OTUD7A: variants seen among roughly 807,000 people sequenced by gnomAD.
The protein encoded by OTUD7A is OTU domain-containing protein 7A.
Under a neutral mutation model 65.7 loss-of-function variants are expected in OTUD7A, and 12 were observed. The observed-to-expected ratio is 0.18, with a 90% CI of 0.12 to 0.30. OTUD7A has a LOEUF of 0.30. Ranked by LOEUF, OTUD7A falls within the 10% of genes least tolerant of loss-of-function variation. The pLI, the probability that OTUD7A is intolerant of heterozygous loss-of-function variation, is 1.00. For missense variants in OTUD7A, 1,148 were observed against 1,304.8 expected (o/e 0.88, Z 1.85); for synonymous variants, 641 against 586.3 (o/e 1.09, Z -1.35).
intron 1 of OTUD7A, among the ~76,000 whole-genome samples, chr15:31,658,074 G>A (rs903380815): frequency 6.6e-6 from 1 of 152,036 alleles, no homozygotes; most frequent in Non-Finnish European, 1.5e-5. Flanking sequence ...TCAGTCTCTG[G>A]GGCCAAAATG....
At chr15:31,488,731 G>C (rs2041275180) in intron 10 of OTUD7A, among the ~76,000 whole-genome samples, 1 of 152,214 alleles carries the variant, frequency 6.6e-6, no homozygotes, top group Admixed American at 6.5e-5. Context: ...AGTTGATTTG[G>C]TAAGAAATTG....
At position 31,695,158 on chromosome 15, in the gene OTUD7A, C is replaced by T. The variant is rs1893048388; in HGVS notation, c.-99-38081G>A. Among the ~76,000 whole-genome samples the T allele has an allele frequency of 4.0e-5, 6 of 151,834 alleles. No homozygotes were observed. The South Asian group carries it at 1.3e-3, about 32-fold the overall frequency. Reference sequence around the variant, plus strand: ...CCGCCCCGGCCATGTTTTACATTTTCTTTATCCATTCATCTTTGGATGAGC... The same window carrying T: ...CCGCCCCGGCCATGTTTTACATTTTTTTTATCCATTCATCTTTGGATGAGC... On this transcript the variant is annotated intron_variant, in intron 1 of 12. Coordinates refer to ENST00000307050, the MANE Select transcript of OTUD7A (RefSeq NM_001382637.1).
At chr15:31,673,786 C>T (rs61376927) in intron 1 of OTUD7A, among the ~76,000 whole-genome samples, 8,653 of 152,266 alleles carry the variant, frequency 0.057, 837 homozygotes, top group African/African-American at 0.2. Context: ...AGCCTCTTTT[C>T]CTGGCCTGCC....
At chr15:31,610,548 T>C (rs34896179) in intron 3 of OTUD7A, among the ~76,000 whole-genome samples, 6,384 of 145,576 alleles carry the variant, frequency 0.044, 272 homozygotes, top group African/African-American at 0.11. Flanking sequence ...ATAGACCATA[T>C]GATAGGCCAC....
At chr15:31,595,199 G>C (rs1001335131) in intron 3 of OTUD7A, among the ~76,000 whole-genome samples, 1 of 152,200 alleles carries the variant, frequency 6.6e-6, no homozygotes, top group Non-Finnish European at 1.5e-5. Flanking sequence ...CCTGTGCCTG[G>C]AGTGTGCAGC....
rs147488054 is a variant in OTUD7A at position 31,647,386 on chromosome 15, T to C, written c.151+7710A>G. On this transcript the variant is annotated intron_variant, in intron 3 of 12. Coordinates refer to ENST00000307050, the MANE Select transcript of OTUD7A (RefSeq NM_001382637.1). Reference sequence around the variant, plus strand: ...CAAATCCAGCTTGATAAGCATGTGATGAATTATAAAATAAGGCACAACCAA... The same window carrying C: ...CAAATCCAGCTTGATAAGCATGTGACGAATTATAAAATAAGGCACAACCAA... Among the ~76,000 whole-genome samples the C allele has an allele frequency of 2.9e-3, 446 of 152,346 alleles. 5 individuals are homozygous for C. Among genetic ancestry groups the C allele is most frequent in the African/African-American group, 0.01 (431 of 41,574 alleles).
chr15:31,586,582 A>T (rs185994409), intron 3 of OTUD7A, among the ~76,000 whole-genome samples: 2 of 152,260 alleles, frequency 1.3e-5, no homozygotes, highest in East Asian at 3.9e-4. Flanking sequence ...GGCAATGTTA[A>T]GGAGAGATGG....
intron 1 of OTUD7A, among the ~76,000 whole-genome samples, chr15:31,735,314 T>C (rs1445005614): frequency 6.6e-6 from 1 of 151,984 alleles, no homozygotes; most frequent in African/African-American, 2.4e-5. Flanking sequence ...TCACCTGAGG[T>C]CAGGGGTTCA....
intron 5 of OTUD7A, among the ~76,000 whole-genome samples, chr15:31,547,100 G>C (rs370795429): frequency 6.6e-6 from 1 of 152,248 alleles, no homozygotes; most frequent in African/African-American, 2.4e-5. Flanking sequence ...AGAAAAGACA[G>C]CTGGAAGCTG....
intron 3 of OTUD7A, among the ~76,000 whole-genome samples, chr15:31,621,602 G>C (rs1453182940): frequency 1.3e-5 from 2 of 148,566 alleles, no homozygotes; most frequent in African/African-American, 5.0e-5. Flanking sequence ...CTTTTTTTTT[G>C]TTTTCCATTT....
At chr15:31,486,180 A>G (rs1273009221) in intron 12 of OTUD7A, among the ~76,000 whole-genome samples, 3 of 152,134 alleles carry the variant, frequency 2.0e-5, no homozygotes, top group Middle Eastern at 6.3e-3. Flanking sequence ...TCCTGATTCT[A>G]CATCTCGAGC....
intron 3 of OTUD7A, among the ~76,000 whole-genome samples, chr15:31,577,872 C>T (rs910602769): frequency 9.4e-5 from 14 of 148,924 alleles, no homozygotes; most frequent in African/African-American, 3.2e-4. Flanking sequence ...TCCTTGGAAT[C>T]GGACAAGCTG....
intron 1 of OTUD7A, among the ~76,000 whole-genome samples, chr15:31,752,750 C>G (rs1361039669): frequency 6.6e-6 from 1 of 151,942 alleles, no homozygotes; most frequent in Non-Finnish European, 1.5e-5. Context: ...GACTGGAAAG[C>G]AACAAATGGT....
intron 10 of OTUD7A, among the ~76,000 whole-genome samples, chr15:31,493,019 A>C (rs761274203): frequency 1.3e-5 from 2 of 152,154 alleles, no homozygotes; most frequent in African/African-American, 2.4e-5. Flanking sequence ...CAGCCTGGCC[A>C]ACATGATGAA....
chr15:31,844,592 C>G (rs1221522520), intron 1 of OTUD7A, among the ~76,000 whole-genome samples: 1 of 152,234 alleles, frequency 6.6e-6, no homozygotes, highest in Non-Finnish European at 1.5e-5. Flanking sequence ...TCCTAACAGC[C>G]TGCTGTGAAG....
chr15:31,734,504 A>C (rs1201949944), intron 1 of OTUD7A, among the ~76,000 whole-genome samples: 1 of 152,212 alleles, frequency 6.6e-6, no homozygotes, highest in Non-Finnish European at 1.5e-5. Context: ...ACTTCAAACT[A>C]TATTACAGGG....
chr15:31,578,778 C>G (rs1461075800), intron 3 of OTUD7A, among the ~76,000 whole-genome samples: 1 of 152,180 alleles, frequency 6.6e-6, no homozygotes, highest in Non-Finnish European at 1.5e-5. Context: ...TCTCAAACTC[C>G]TGACCTCAGG....
chr15:31,857,243 C>T (rs959942173), intron 1 of OTUD7A, among the ~76,000 whole-genome samples: 11 of 152,296 alleles, frequency 7.2e-5, no homozygotes, highest in East Asian at 1.9e-4. Flanking sequence ...AAATAGCCAA[C>T]GAGAGCCCAC....
intron 1 of OTUD7A, among the ~76,000 whole-genome samples, chr15:31,674,733 C>G (rs781779381): frequency 6.6e-6 from 1 of 152,182 alleles, no homozygotes; most frequent in Non-Finnish European, 1.5e-5. Flanking sequence ...ACTTGCTTAC[C>G]TGATAGAAAG....
Sources: allele counts gnomAD v4.1 joint callset (sites outside exome capture counted in the v4.1 genomes callset), GRCh38; gene constraint gnomAD v4.1.1; transcripts MANE v1.5; gene names NCBI Gene and HGNC (gene_info 2026-07-23, HGNC 2026-07-21).